Variants in YEATS2 observed in about 807,000 individuals in gnomAD.
The protein encoded by YEATS2 is YEATS domain-containing protein 2.
Under a neutral mutation model 163.2 loss-of-function variants are expected in YEATS2, and 77 were observed. That is an observed-to-expected ratio of 0.47 (90% CI 0.39 to 0.57). The LOEUF is 0.57. Ranked by LOEUF, YEATS2 falls within the 20% of genes least tolerant of loss-of-function variation. The probability of loss-of-function intolerance (pLI) is 0.00; values close to 1 mark genes in which losing one functional copy is unlikely to be tolerated. For synonymous variants in YEATS2, 631 were observed against 645.1 expected (o/e 0.98, Z 0.33); for missense variants, 1,549 against 1,729.8 (o/e 0.90, Z 1.85).
chr3:183,718,881 G>A (rs1348213186), intron 4 of YEATS2, among the ~76,000 whole-genome samples: 1 of 151,744 alleles, frequency 6.6e-6, no homozygotes, highest in Non-Finnish European at 1.5e-5. Flanking sequence ...TTTTAGTAGA[G>A]ACGAGGTTTC....
chr3:183,781,855 A>T (rs1384278818), intron 19 of YEATS2, among the ~76,000 whole-genome samples: 1 of 151,854 alleles, frequency 6.6e-6, no homozygotes, highest in African/African-American at 2.4e-5. Flanking sequence ...GTGAGCCATG[A>T]TGGTGCCACT....
At chr3:183,718,770 C>A (rs972300614) in intron 4 of YEATS2, among the ~76,000 whole-genome samples, 178 bp downstream of exon 4, 1 of 152,238 alleles carries the variant, frequency 6.6e-6, no homozygotes, top group Admixed American at 6.5e-5. Context: ...ACTTGGCTCA[C>A]TGCAACCTCT....
At chr3:183,779,237 G>GT (rs1220650043) in intron 19 of YEATS2, among the ~76,000 whole-genome samples, 2 of 152,150 alleles carry the variant, frequency 1.3e-5, no homozygotes, top group Non-Finnish European at 2.9e-5. Flanking sequence ...TGGTAATTAT[G>GT]TGTCCTCTTT....
intron 7 of YEATS2, among the ~76,000 whole-genome samples, chr3:183,732,259 G>C (rs1717869475): frequency 6.6e-6 from 1 of 151,728 alleles, no homozygotes; most frequent in Admixed American, 6.6e-5. Flanking sequence ...GACCAGCCTT[G>C]CCAACATGGT....
intron 6 of YEATS2, among the ~76,000 whole-genome samples, chr3:183,725,994 G>C (rs1577064657): frequency 1.3e-5 from 2 of 151,918 alleles, no homozygotes; most frequent in East Asian, 1.9e-4. Flanking sequence ...GAATAAAGTA[G>C]ATAAGTCTTT....
Position 183,761,737 on chromosome 3 carries a change from G to T in YEATS2, c.1764+123G>T, listed in dbSNP as rs150054544. Reference sequence around the variant, plus strand: ...GGGTCTCAACTCCTCATTCTGAGACGTGCTTCCATGTATTTAATGATGTCC... The same window carrying T: ...GGGTCTCAACTCCTCATTCTGAGACTTGCTTCCATGTATTTAATGATGTCC... On this transcript the variant is annotated intron_variant, in intron 14 of 30. Transcript: ENST00000305135. The T allele has an allele frequency of 5.7e-5, 50 of 871,880 alleles. No individual in the cohort carries two copies. The African/African-American group carries it at 6.7e-4, about 12-fold the overall frequency. The allele number at this position is 871,880 out of a possible 1,614,324, so 54.0% of individuals were successfully genotyped here.
At chr3:183,736,384 C>T (rs1718344137) in intron 7 of YEATS2, among the ~76,000 whole-genome samples, 1 of 152,170 alleles carries the variant, frequency 6.6e-6, no homozygotes, top group Non-Finnish European at 1.5e-5. Context: ...CTGTATCTGT[C>T]AAATGCCAAT....
At chr3:183,767,410 T>G (rs1722013671) in intron 15 of YEATS2, among the ~76,000 whole-genome samples, 2 of 151,014 alleles carry the variant, frequency 1.3e-5, no homozygotes, top group African/African-American at 4.9e-5. Flanking sequence ...AGCTGGAGTC[T>G]TGCACTGTCG....
At chr3:183,771,013 C>T (rs779277971) in intron 15 of YEATS2, among the ~76,000 whole-genome samples, 2 of 152,060 alleles carry the variant, frequency 1.3e-5, no homozygotes, top group South Asian at 2.1e-4. Context: ...TTCCCTTGAA[C>T]GCATGTATGT....
chr3:183,764,666 G>A lies in YEATS2; in HGVS notation c.1947+2387G>A, dbSNP rs928689688. On this transcript the variant is annotated intron_variant, in intron 15 of 30. Coordinates refer to ENST00000305135, the MANE Select transcript of YEATS2 (RefSeq NM_018023.5). ...ACTAAAAATACAAAAAATTATTTGG[G>A]CGTGGTGGCGGGCGCCTGTAATCCC... 4.6e-5 allele frequency among the ~76,000 whole-genome samples: 7 copies of A among 151,988 alleles called. 1 individual carries two copies. In the South Asian group the frequency reaches 1.0e-3, roughly 23 times the overall value.
intron 27 of YEATS2, among the ~76,000 whole-genome samples, chr3:183,805,348 C>T (rs568422396): frequency 1.3e-5 from 2 of 151,696 alleles, no homozygotes; most frequent in South Asian, 2.1e-4. Context: ...TGCAGTAAGC[C>T]ATGAGCACAC....
chr3:183,734,557 G>A (rs1247253809), intron 7 of YEATS2, among the ~76,000 whole-genome samples: 1 of 152,176 alleles, frequency 6.6e-6, no homozygotes, highest in African/African-American at 2.4e-5. Context: ...AAGACTTGAG[G>A]GAATGCTTTG....
chr3:183,713,554 C>T (rs1000589190), intron 1 of YEATS2, among the ~76,000 whole-genome samples: 2 of 152,186 alleles, frequency 1.3e-5, no homozygotes, highest in African/African-American at 2.4e-5. Context: ...TAGAGTGAGA[C>T]TCCGTCTCAA....
chr3:183,775,639 A>G (rs1451174638), intron 17 of YEATS2, among the ~76,000 whole-genome samples: 1 of 152,090 alleles, frequency 6.6e-6, no homozygotes, highest in Non-Finnish European at 1.5e-5. Flanking sequence ...CCTTCTCTTG[A>G]TCTCCCACGA....
At chr3:183,772,163 C>A in intron 15 of YEATS2, 142 bp from the exon 16 acceptor site, 1 of 1,095,040 alleles carries the variant, frequency 9.1e-7, no homozygotes, top group Non-Finnish European at 1.3e-6. Context: ...TTGCCGTTCA[C>A]ACCTGTGTAG....
chr3:183,777,101 A>G (rs958393807), intron 18 of YEATS2, among the ~76,000 whole-genome samples: 3 of 152,244 alleles, frequency 2.0e-5, no homozygotes, highest in Non-Finnish European at 4.4e-5. Context: ...GGGAGTGATC[A>G]AAGAGATGGT....
chr3:183,719,320 A>G (rs899213687), intron 4 of YEATS2, among the ~76,000 whole-genome samples: 3 of 151,880 alleles, frequency 2.0e-5, no homozygotes, highest in African/African-American at 4.8e-5. Context: ...GTACTTTACT[A>G]GAGACGGGGT....
rs750257084 is a variant in YEATS2 at position 183,754,284 on chromosome 3, G to T, written c.1309G>T (p.Val437Phe). The T allele has an allele frequency of 5.0e-6, 8 of 1,614,016 alleles. No homozygotes were observed. In the African/African-American group the frequency reaches 8.0e-5, roughly 16 times the overall value. ...GCCAATAGCATCAAGCTGCAAAATT[G>T]TTCCACAAAGTCAGGTTCCTAATCC... Reference protein sequence around the residue: ...FQPIASSCKIVPQSQVPNPES... With the variant: ...FQPIASSCKIFPQSQVPNPES... Residue 437 changes from valine to phenylalanine, a missense_variant, in exon 11 of 31, where the codon GTT becomes TTT. By Grantham distance (50) the Val-to-Phe change is conservative. Coordinates refer to ENST00000305135, the MANE Select transcript of YEATS2 (RefSeq NM_018023.5).
At position 183,798,051 on chromosome 3, in the gene YEATS2, G is replaced by A; in HGVS notation, c.3226G>A (p.Val1076Met). The A allele has an allele frequency of 3.7e-6, 6 of 1,613,556 alleles. No homozygotes were observed. Among genetic ancestry groups the A allele is most frequent in the Non-Finnish European group, 5.1e-6 (6 of 1,179,856 alleles). The change falls in exon 22 of 31, where the codon GTG becomes ATG. Residue 1076 changes from valine to methionine, a missense_variant and splice_region_variant. By Grantham distance (21) the Val-to-Met change is conservative. Transcript: ENST00000305135. ...GACGATCCTGATGCCTGTGAATAAA[G>A]GTGAGTCCCTTGCCCACGGGTCGTC... Reference protein sequence around the residue: ...VQTILMPVNKVVQSFSTSKPP... With the variant: ...VQTILMPVNKMVQSFSTSKPP...
Sources: allele counts gnomAD v4.1 joint callset (sites outside exome capture counted in the v4.1 genomes callset), GRCh38; gene constraint gnomAD v4.1.1; transcripts MANE v1.5; gene names NCBI Gene and HGNC (gene_info 2026-07-23, HGNC 2026-07-21).